The following UBE2G1 variants were observed in gnomAD, a reference collection of about 807,000 sequenced individuals.
UBE2G1 encodes the protein ubiquitin-conjugating enzyme E2 G1.
Under a neutral mutation model 22.7 loss-of-function variants are expected in UBE2G1, and 5 were observed. The ratio of observed to expected loss-of-function variants is 0.22; its 90% confidence interval spans 0.12 to 0.46. UBE2G1 has a LOEUF of 0.46. Among genes scored for constraint, UBE2G1 ranks in the 20% least tolerant of loss-of-function variants. The pLI, the probability that UBE2G1 is intolerant of heterozygous loss-of-function variation, is 0.99. For synonymous variants in UBE2G1, 74 were observed against 67.5 expected (o/e 1.10, Z -0.47); for missense variants, 88 against 203.9 (o/e 0.43, Z 3.46).
At chr17:4,282,479 A>G (rs986472454) in intron 5 of UBE2G1, among the ~76,000 whole-genome samples, 1 of 152,250 alleles carries the variant, frequency 6.6e-6, no homozygotes. Context: ...CCAAGTGATC[A>G]GGATGCTAGA....
At chr17:4,335,317 T>C (rs1382618855) in intron 1 of UBE2G1, 2 of 152,034 alleles carry the variant, frequency 1.3e-5, no homozygotes, top group East Asian at 1.9e-4. Context: ...CAGGCAGAAG[T>C]AGGTCACCTA....
At chr17:4,309,309 G>A (rs914154792) in intron 1 of UBE2G1, among the ~76,000 whole-genome samples, 9 of 152,172 alleles carry the variant, frequency 5.9e-5, no homozygotes, top group African/African-American at 2.2e-4. Flanking sequence ...TTCTTTTCTT[G>A]AAATGTGAGG....
At chr17:4,330,932 T>TA (rs1460790551) in intron 1 of UBE2G1, among the ~76,000 whole-genome samples, 1 of 145,484 alleles carries the variant, frequency 6.9e-6, no homozygotes, top group Non-Finnish European at 1.5e-5. Context: ...AAAATAGCCA[T>TA]AAAAAATTAA....
At chr17:4,278,357 T>C (rs1303841126) in intron 5 of UBE2G1, among the ~76,000 whole-genome samples, 1 of 152,164 alleles carries the variant, frequency 6.6e-6, no homozygotes, top group Non-Finnish European at 1.5e-5. Context: ...TCTTTTGGCT[T>C]CTCTGAACCA....
At position 4,366,583 on chromosome 17, in the gene UBE2G1, C is replaced by T. The variant is rs1181086187; in HGVS notation, c.-267G>A. Reference sequence around the variant, plus strand: ...GCACTGGGACTTCGCTCGCCCGCTTCCCTCCTTCAACCCGCCCGTCGGCCC... The same window carrying T: ...GCACTGGGACTTCGCTCGCCCGCTTTCCTCCTTCAACCCGCCCGTCGGCCC... On this transcript the variant is annotated 5_prime_UTR_variant, in exon 1 of 6. Transcript: ENST00000396981. The T allele has an allele frequency of 2.7e-5, 10 of 372,796 alleles. No individual in the cohort carries two copies. The highest frequency in any genetic ancestry group is 1.9e-4 in the Admixed American group (4 of 20,934). 23.1% of individuals were successfully genotyped at this position (372,796 alleles called of 1,614,324 possible). A position where few individuals can be genotyped will look rare whatever the true frequency, so the allele number is the denominator to read the frequency against.
At chr17:4,315,654 G>A (rs1969358932) in intron 1 of UBE2G1, among the ~76,000 whole-genome samples, 1 of 150,798 alleles carries the variant, frequency 6.6e-6, no homozygotes, top group African/African-American at 2.4e-5. Flanking sequence ...GCAGGAGAAT[G>A]GCGTGAACCC....
At chr17:4,325,113 C>CA (rs879457194) in intron 1 of UBE2G1, among the ~76,000 whole-genome samples, 49 of 142,458 alleles carry the variant, frequency 3.4e-4, no homozygotes, top group Middle Eastern at 3.7e-3. Flanking sequence ...AAACAAAAAA[C>CA]AAAAAAAAAA....
intron 1 of UBE2G1, among the ~76,000 whole-genome samples, chr17:4,337,767 G>A (rs754918732): frequency 4.6e-5 from 7 of 151,974 alleles, no homozygotes; most frequent in Non-Finnish European, 7.4e-5. Context: ...AACTGAGCAA[G>A]AATTAAATGA....
chr17:4,294,579 G>GT (rs1180494781), intron 3 of UBE2G1, among the ~76,000 whole-genome samples: 1 of 152,118 alleles, frequency 6.6e-6, no homozygotes, highest in Non-Finnish European at 1.5e-5. Flanking sequence ...AGTCTCCCAT[G>GT]TATTTGCTTA....
intron 1 of UBE2G1, among the ~76,000 whole-genome samples, chr17:4,356,368 T>G (rs1969906482): frequency 6.6e-6 from 1 of 151,572 alleles, no homozygotes; most frequent in African/African-American, 2.4e-5. Context: ...AAAAAAAAAT[T>G]AAATAAATAA....
chr17:4,298,150 C>T (rs1362980925), intron 2 of UBE2G1, among the ~76,000 whole-genome samples: 1 of 152,106 alleles, frequency 6.6e-6, no homozygotes, highest in Admixed American at 6.6e-5. Flanking sequence ...CTAAAACAAG[C>T]TAATTTGTCT....
In UBE2G1 at chr17:4,302,485, A is replaced by G. The variant is rs1464004584; in HGVS notation, c.149+4536T>C. 1.3e-5 allele frequency: 6 copies of G among 475,674 alleles called. No individual in the cohort carries two copies. The East Asian group carries it at 3.3e-4, about 26-fold the overall frequency. The allele number at this position is 475,674 out of a possible 1,614,324, so 29.5% of individuals were successfully genotyped here. A position where few individuals can be genotyped will look rare whatever the true frequency, so the allele number is the denominator to read the frequency against. ...AACTGCATATGGCTTCACGCACTCCATTCAGAATCTTGGGGTGGCCATCAT... is the reference window on the plus strand; with the variant it reads ...AACTGCATATGGCTTCACGCACTCCGTTCAGAATCTTGGGGTGGCCATCAT... On this transcript the variant is annotated intron_variant, in intron 2 of 5. Transcript: ENST00000396981.
In UBE2G1 at chr17:4,311,947, T is replaced by C. The variant is rs143046469; in HGVS notation, c.47-4824A>G. Among the ~76,000 whole-genome samples the C allele has an allele frequency of 4.3e-3, 656 of 152,242 alleles. 2 individuals carry two copies. Among genetic ancestry groups the C allele is most frequent in the Non-Finnish European group, 7.6e-3 (519 of 68,012 alleles). On this transcript the variant is annotated intron_variant, in intron 1 of 5. Coordinates refer to ENST00000396981, the MANE Select transcript of UBE2G1 (RefSeq NM_003342.5). ...CCTTTTGTTAGGGACAAAAAATACA[T>C]TGCTTTAAAAAGAAATCTACTGGGC... is the stretch of plus-strand genomic sequence containing the variant.
At chr17:4,282,186 G>A (rs766959075) in intron 5 of UBE2G1, among the ~76,000 whole-genome samples, 5 of 152,122 alleles carry the variant, frequency 3.3e-5, no homozygotes, top group Admixed American at 6.6e-5. Context: ...AGGTTCAAGC[G>A]ATTCTCCTCC....
chr17:4,334,803 T>C (rs1427455775), intron 1 of UBE2G1, among the ~76,000 whole-genome samples: 1 of 152,158 alleles, frequency 6.6e-6, no homozygotes, highest in Non-Finnish European at 1.5e-5. Context: ...CATCCCAAAG[T>C]GCTGGGATTA....
intron 1 of UBE2G1, among the ~76,000 whole-genome samples, chr17:4,350,236 G>A (rs1211859514): frequency 6.6e-6 from 1 of 152,066 alleles, no homozygotes; most frequent in Non-Finnish European, 1.5e-5. Flanking sequence ...TGAGAAGGGT[G>A]GATCACCTGA....
chr17:4,318,399 G>A (rs940058099), intron 1 of UBE2G1, among the ~76,000 whole-genome samples: 3 of 152,276 alleles, frequency 2.0e-5, no homozygotes, highest in Middle Eastern at 3.4e-3. Context: ...ACAGGAGGGA[G>A]TGGTTTTTCA....
intron 5 of UBE2G1, among the ~76,000 whole-genome samples, chr17:4,281,838 T>C (rs958690946): frequency 6.6e-6 from 1 of 152,206 alleles, no homozygotes; most frequent in Non-Finnish European, 1.5e-5. Context: ...CCTGAAAGGA[T>C]AGTCTTCACT....
At chr17:4,322,218 G>A (rs1969448477) in intron 1 of UBE2G1, among the ~76,000 whole-genome samples, 2 of 152,170 alleles carry the variant, frequency 1.3e-5, no homozygotes, top group Non-Finnish European at 1.5e-5. Flanking sequence ...CCTCTAAGTA[G>A]TCTCCACCCA....
Sources: allele counts gnomAD v4.1 joint callset (sites outside exome capture counted in the v4.1 genomes callset), GRCh38; gene constraint gnomAD v4.1.1; transcripts MANE v1.5; gene names NCBI Gene and HGNC (gene_info 2026-07-23, HGNC 2026-07-21).